TEX14: variants seen among roughly 807,000 people sequenced by gnomAD.
TEX14 encodes the protein inactive serine/threonine-protein kinase TEX14.
In TEX14, 168 loss-of-function variants were observed where a neutral mutation model predicts 178.6. That is an observed-to-expected ratio of 0.94 (90% CI 0.83 to 1.07). TEX14 has a LOEUF of 1.07. Among genes scored for constraint, TEX14 ranks in the 50% least tolerant of loss-of-function variants. TEX14 has a pLI of 0.00. For synonymous variants in TEX14, 626 were observed against 634.1 expected, an observed-to-expected ratio of 0.99 and a Z score of 0.19; for missense variants, 1,730 against 1,753.6, an observed-to-expected ratio of 0.99 and a Z score of 0.24.
chr17:58,557,179 G>C (rs2044153391), intron 31 of TEX14, 132 bp from the exon 32 acceptor site: 4 of 740,882 alleles, frequency 5.4e-6, no homozygotes, highest in Non-Finnish European at 9.4e-6. Flanking sequence ...TTATAATCAA[G>C]GGCGATTATA....
chr17:58,663,443 C>T (rs890105964), intron 1 of TEX14, among the ~76,000 whole-genome samples: 2 of 147,512 alleles, frequency 1.4e-5, no homozygotes, highest in Non-Finnish European at 3.0e-5. Context: ...AAAAAAAAGT[C>T]ATTAATGCCA....
At position 58,612,886 on chromosome 17, in the gene TEX14, T is replaced by C. The variant is rs531921681; in HGVS notation, c.1005+535A>G. Among the ~76,000 whole-genome samples, 3 of 150,600 alleles carry C rather than the reference T, an allele frequency of 2.0e-5. 1 individual carries two copies. Among genetic ancestry groups the C allele is most frequent in the South Asian group, 4.2e-4 (2 of 4,722 alleles). ...CACTACTGTACTCCAGCCTGGGCAA[T>C]AGAGCAAGACCCTGTCTCAAAAAAA... On this transcript the variant is annotated intron_variant, in intron 9 of 31. Coordinates refer to ENST00000349033, the MANE Select transcript of TEX14 (RefSeq NM_031272.5).
intron 2 of TEX14, among the ~76,000 whole-genome samples, chr17:58,642,444 G>C (rs1363065357): frequency 6.6e-6 from 1 of 152,146 alleles, no homozygotes; most frequent in East Asian, 1.9e-4. Context: ...TCAGAAAAAG[G>C]GACAGCGTTG....
intron 4 of TEX14, among the ~76,000 whole-genome samples, chr17:58,622,345 C>T (rs1020590097): frequency 1.3e-5 from 2 of 151,780 alleles, no homozygotes; most frequent in Non-Finnish European, 2.9e-5. Context: ...ACTCAGGAGG[C>T]TGAGGCAGGA....
chr17:58,688,399 TGTGAGCCACA>T (rs2047637276), intron 1 of TEX14, among the ~76,000 whole-genome samples: 1 of 152,144 alleles, frequency 6.6e-6, no homozygotes, highest in South Asian at 2.1e-4. Context: ...GGATTACAGG[TGTGAGCCACA>T]GTGTCTGGCC....
At chr17:58,611,436 A>G (rs1485010193) in intron 9 of TEX14, 97 bp from the exon 10 acceptor site, 2 of 870,876 alleles carry the variant, frequency 2.3e-6, no homozygotes, top group African/African-American at 3.4e-5. Flanking sequence ...TATGATCCTC[A>G]TGGTTACCAA....
At position 58,570,459 on chromosome 17, in the gene TEX14, G is replaced by T. The variant is rs374201402; in HGVS notation, c.3743C>A (p.Ala1248Asp). ...GLKRLSSFIG[A>D]GSPSLVKACD... ...TGCCTTAACAAGGCTGGGGGATCCAGCCCCAATAAATGAAGACAATCTTTT... is the reference window on the plus strand; with the variant it reads ...TGCCTTAACAAGGCTGGGGGATCCATCCCCAATAAATGAAGACAATCTTTT... Residue 1248 changes from alanine to aspartate, a missense_variant, in exon 25 of 32, where the codon GCT becomes GAT. Coordinates refer to ENST00000349033, the MANE Select transcript of TEX14 (RefSeq NM_031272.5). The T allele has an allele frequency of 6.6e-7, 1 of 1,525,026 alleles. No individual in the cohort carries two copies. Among genetic ancestry groups the T allele is most frequent in the African/African-American group, 1.5e-5 (1 of 68,552 alleles). 94.5% of individuals were successfully genotyped at this position (1,525,026 alleles called of 1,614,324 possible).
chr17:58,573,178 T>G lies in TEX14; in HGVS notation c.3511+3A>C. 3 of 1,613,880 alleles carry G rather than the reference T, an allele frequency of 1.9e-6. No individual in the cohort carries two copies. The highest frequency in any genetic ancestry group is 2.5e-6 in the Non-Finnish European group (3 of 1,179,818). On this transcript the variant is annotated splice_donor_region_variant and intron_variant, in intron 23 of 31. Transcript: ENST00000349033. ...CCCAAACACTTCTCTTCCCTGTGAT[T>G]ACCTGGGCTGAGTGGAGTGCTGACA...
chr17:58,632,660 G>T (rs1290141620), intron 2 of TEX14, among the ~76,000 whole-genome samples: 1 of 152,146 alleles, frequency 6.6e-6, no homozygotes, highest in Non-Finnish European at 1.5e-5. Context: ...GCCTGCAAAC[G>T]TAACCGCACA....
At chr17:58,590,116 C>A (rs2045089389) in intron 15 of TEX14, among the ~76,000 whole-genome samples, 1 of 151,982 alleles carries the variant, frequency 6.6e-6, no homozygotes, top group African/African-American at 2.4e-5. Flanking sequence ...CAAAAATTAG[C>A]CGGGTGTGGT....
chr17:58,556,796 T>C lies in TEX14; in HGVS notation c.*215A>G. On this transcript the variant is annotated 3_prime_UTR_variant, in exon 32 of 32. Transcript: ENST00000349033. The stretch of plus-strand genomic sequence containing the variant: ...AAAAATTTTTACTATCAAAACTACC[T>C]CTCACTTTTCAGAAATCTGACTGAA... The C allele has an allele frequency of 2.0e-6, 1 of 489,404 alleles. No individual in the cohort carries two copies. Among genetic ancestry groups the C allele is most frequent in the Non-Finnish European group, 3.6e-6 (1 of 275,122 alleles). The allele number at this position is 489,404 out of a possible 1,614,324, so 30.3% of individuals were successfully genotyped here.
At chr17:58,619,451 C>T (rs773389780) in intron 5 of TEX14, among the ~76,000 whole-genome samples, 3 of 152,144 alleles carry the variant, frequency 2.0e-5, no homozygotes, top group South Asian at 2.1e-4. Flanking sequence ...TTATCTGACA[C>T]GGCACCACTC....
intron 1 of TEX14, among the ~76,000 whole-genome samples, chr17:58,670,852 T>A (rs186120133): frequency 1.0e-4 from 15 of 149,876 alleles, no homozygotes; most frequent in Non-Finnish European, 2.2e-4. Context: ...ATGTTAAGCA[T>A]CTTTACCACA....
intron 2 of TEX14, among the ~76,000 whole-genome samples, chr17:58,643,601 G>A (rs1282357725): frequency 1.3e-5 from 2 of 151,646 alleles, no homozygotes; most frequent in African/African-American, 4.8e-5. Flanking sequence ...TGGGCACAGT[G>A]GCTTACAACT....
At chr17:58,582,450 G>A (rs967946052) in intron 19 of TEX14, among the ~76,000 whole-genome samples, 1 of 151,974 alleles carries the variant, frequency 6.6e-6, no homozygotes, top group Non-Finnish European at 1.5e-5. Context: ...AGTAGAGAGG[G>A]GTTTCACTAT....
chr17:58,587,754 C>T, intron 16 of TEX14, 88 bp from the exon 17 acceptor site: 1 of 1,173,260 alleles, frequency 8.5e-7, no homozygotes, highest in Non-Finnish European at 1.3e-6. Context: ...AACCAAAAGC[C>T]CACCAGCCCA....
chr17:58,664,609 G>A (rs967295336), intron 1 of TEX14, among the ~76,000 whole-genome samples: 1 of 152,166 alleles, frequency 6.6e-6, no homozygotes, highest in Non-Finnish European at 1.5e-5. Context: ...ATAGTCTGTA[G>A]GGAAAACAGA....
At chr17:58,575,474 T>C (rs1029673774) in intron 21 of TEX14, among the ~76,000 whole-genome samples, 7 of 152,210 alleles carry the variant, frequency 4.6e-5, no homozygotes, top group African/African-American at 1.4e-4. Flanking sequence ...TGAAAGATCA[T>C]GGATTTGGGG....
intron 25 of TEX14, 29 bp downstream of exon 25, chr17:58,570,356 C>A: frequency 1.4e-6 from 2 of 1,420,470 alleles, no homozygotes; most frequent in South Asian, 1.6e-5. Context: ...TGATTATAAA[C>A]TTCTATTTTG....
Sources: allele counts gnomAD v4.1 joint callset (sites outside exome capture counted in the v4.1 genomes callset), GRCh38; gene constraint gnomAD v4.1.1; transcripts MANE v1.5; gene names NCBI Gene and HGNC (gene_info 2026-07-23, HGNC 2026-07-21).